DST: variants seen among roughly 807,000 people sequenced by gnomAD.
DST encodes dystonin.
In DST, 253 loss-of-function variants were observed where a neutral mutation model predicts 875.2. The observed-to-expected ratio is 0.29, with a 90% CI of 0.26 to 0.32. DST has a LOEUF of 0.32. Among genes scored for constraint, DST ranks in the 10% least tolerant of loss-of-function variants. The probability of loss-of-function intolerance (pLI) is 1.00; values close to 1 mark genes in which losing one functional copy is unlikely to be tolerated. For synonymous variants in DST, 3,124 were observed against 3,197.1 expected (o/e 0.98, Z 0.77); for missense variants, 8,287 against 9,111.6 (o/e 0.91, Z 3.68).
intron 9 of DST, among the ~76,000 whole-genome samples, chr6:56,685,816 A>G (rs1489598237): frequency 6.6e-6 from 1 of 152,202 alleles, no homozygotes. Context: ...GGTTGCAGAG[A>G]AAAAGGGATG....
At chr6:56,710,992 A>C (rs2099361007) in intron 5 of DST, among the ~76,000 whole-genome samples, 1 of 151,474 alleles carries the variant, frequency 6.6e-6, no homozygotes, top group Non-Finnish European at 1.5e-5. Context: ...TAAGGTATTA[A>C]TGGATAAAAT....
Position 56,562,306 on chromosome 6 carries a change from C to T in DST, c.14006-106G>A, listed in dbSNP as rs1471406371. The T allele has an allele frequency of 1.9e-5, 8 of 415,294 alleles. No homozygotes were observed. In the Admixed American group the frequency reaches 4.1e-4, roughly 21 times the overall value. The allele number at this position is 415,294 out of a possible 1,614,324, so 25.7% of individuals were successfully genotyped here. A position where few individuals can be genotyped will look rare whatever the true frequency, so the allele number is the denominator to read the frequency against. ...CCATCAACAGTAATCACACATAAAACACTGACTCAACTTCAAAATCAAATG... is the reference window on the plus strand; with the variant it reads ...CCATCAACAGTAATCACACATAAAATACTGACTCAACTTCAAAATCAAATG... On this transcript the variant is annotated intron_variant, in intron 55 of 103. Transcript: ENST00000680361.
chr6:56,463,189 G>A, intron 101 of DST, 33 bp from the exon 102 acceptor site: 3 of 1,306,902 alleles, frequency 2.3e-6, no homozygotes, highest in Non-Finnish European at 3.3e-6. Flanking sequence ...AAATGAAAAG[G>A]ATAGCAGATA....
intron 2 of DST, among the ~76,000 whole-genome samples, chr6:56,939,213 A>T (rs1430904944): frequency 6.6e-6 from 1 of 152,244 alleles, no homozygotes; most frequent in Non-Finnish European, 1.5e-5. Context: ...AAGTGAGAAT[A>T]ACAAAGTTTC....
chr6:56,685,771 TA>T (rs1056953646), intron 9 of DST, among the ~76,000 whole-genome samples: 16 of 151,496 alleles, frequency 1.1e-4, no homozygotes, highest in African/African-American at 3.9e-4. Flanking sequence ...AAATCAAAAT[TA>T]AAAAAAATTC....
At chr6:56,644,191 T>C (rs1277679197) in intron 15 of DST, among the ~76,000 whole-genome samples, 3 of 152,238 alleles carry the variant, frequency 2.0e-5, no homozygotes, top group African/African-American at 7.2e-5. Flanking sequence ...ACTTTTCCAT[T>C]ATTTCAAATG....
At chr6:56,657,113 A>G (rs1345017749) in intron 10 of DST, among the ~76,000 whole-genome samples, 1 of 152,032 alleles carries the variant, frequency 6.6e-6, no homozygotes, top group East Asian at 1.9e-4. Flanking sequence ...CTTCTTTCTA[A>G]TAATTATTTA....
At chr6:56,917,312 A>G (rs1443032615) in intron 2 of DST, among the ~76,000 whole-genome samples, 1 of 152,228 alleles carries the variant, frequency 6.6e-6, no homozygotes, top group Admixed American at 6.5e-5. Context: ...ATGCTGAGTA[A>G]AGACAGAGAA....
intron 34 of DST, 133 bp downstream of exon 34, chr6:56,627,071 T>C (rs1305651713): frequency 1.4e-6 from 1 of 725,236 alleles, no homozygotes; most frequent in African/African-American, 1.8e-5. Flanking sequence ...AAAGAATTAT[T>C]AGATAAGTGT....
chr6:56,504,103 A>C lies in DST; in HGVS notation c.19465-5T>G. ...ATCTACCCAGTCAAATACCGCCTGA[A>C]AGACACATTCGCCCACGTGTTGTTA... On this transcript the variant is annotated splice_polypyrimidine_tract_variant and splice_region_variant and intron_variant, in intron 77 of 103. Coordinates refer to ENST00000680361, the MANE Select transcript of DST (RefSeq NM_001374736.1). 6.2e-7 allele frequency: 1 copy of C among 1,600,932 alleles called. No individual in the cohort carries two copies. The highest frequency in any genetic ancestry group is 8.5e-7 in the Non-Finnish European group (1 of 1,171,894).
chr6:56,755,625 A>G (rs1040198895), intron 4 of DST, among the ~76,000 whole-genome samples: 4 of 152,216 alleles, frequency 2.6e-5, no homozygotes, highest in Non-Finnish European at 5.9e-5. Context: ...AAACACTACT[A>G]GCTCAGAGAC....
At chr6:56,927,776 G>A (rs1807966747) in intron 2 of DST, among the ~76,000 whole-genome samples, 1 of 152,210 alleles carries the variant, frequency 6.6e-6, no homozygotes, top group Non-Finnish European at 1.5e-5. Flanking sequence ...CAGGAAAACA[G>A]AAAGCACATT....
intron 90 of DST, among the ~76,000 whole-genome samples, chr6:56,477,738 G>A (rs894675621): frequency 2.6e-4 from 39 of 152,232 alleles, no homozygotes; most frequent in African/African-American, 6.7e-4. Context: ...CCAGGATACC[G>A]TGCATAATAA....
At chr6:56,953,378 G>A (rs769598219) in intron 2 of DST, among the ~76,000 whole-genome samples, 4 of 152,162 alleles carry the variant, frequency 2.6e-5, no homozygotes, top group Non-Finnish European at 5.9e-5. Context: ...CTTGAAAATC[G>A]AAAATGAAAT....
At chr6:56,497,566 A>G in intron 81 of DST, 59 bp from the exon 82 acceptor site, 3 of 1,580,088 alleles carry the variant, frequency 1.9e-6, no homozygotes, top group Admixed American at 1.7e-5. Flanking sequence ...CAAGCAGGAA[A>G]TAAGCTTCAA....
At chr6:56,524,395 C>A (rs183352868) in intron 69 of DST, among the ~76,000 whole-genome samples, 2 of 152,100 alleles carry the variant, frequency 1.3e-5, no homozygotes, top group Middle Eastern at 3.4e-3. Context: ...ATGGAACCTT[C>A]GGATTATTGA....
At chr6:56,520,257 A>G (rs1203239747) in intron 69 of DST, among the ~76,000 whole-genome samples, 2 of 152,200 alleles carry the variant, frequency 1.3e-5, no homozygotes, top group Non-Finnish European at 2.9e-5. Context: ...TACCTGTGGA[A>G]CTACAACAAA....
chr6:56,818,770 A>G (rs2153044504), intron 4 of DST, among the ~76,000 whole-genome samples: 1 of 152,294 alleles, frequency 6.6e-6, no homozygotes, highest in Middle Eastern at 3.4e-3. Flanking sequence ...CAAAGGTTTC[A>G]AAGTACTCTG....
chr6:56,491,511 CTT>C (rs1471343879), intron 85 of DST, among the ~76,000 whole-genome samples: 2 of 152,138 alleles, frequency 1.3e-5, no homozygotes, highest in African/African-American at 4.8e-5. Flanking sequence ...AACTTTACCT[CTT>C]TGTGTTTAGT....
Sources: allele counts gnomAD v4.1 joint callset (sites outside exome capture counted in the v4.1 genomes callset), GRCh38; gene constraint gnomAD v4.1.1; transcripts MANE v1.5; gene names NCBI Gene and HGNC (gene_info 2026-07-23, HGNC 2026-07-21).